The following USP9X variants were observed in gnomAD, a reference collection of about 807,000 sequenced individuals.
The protein encoded by USP9X is ubiquitin carboxyl-terminal hydrolase 9X.
Under a neutral mutation model 190.3 loss-of-function variants are expected in USP9X, and 7 were observed. The ratio of observed to expected loss-of-function variants is 0.04; its 90% confidence interval spans 0.02 to 0.07. The LOEUF (loss-of-function observed/expected upper bound fraction) is 0.07. Ranked by LOEUF, USP9X falls within the 10% of genes least tolerant of loss-of-function variation. The pLI is 1.00. For synonymous variants in USP9X, 645 were observed against 659.5 expected, an observed-to-expected ratio of 0.98 and a Z score of 0.34; for missense variants, 1,010 against 1,916.9, an observed-to-expected ratio of 0.53 and a Z score of 8.83.
chrX:41,089,324 A>C (rs772711544), intron 1 of USP9X, among the ~76,000 whole-genome samples: 1 of 111,937 alleles, frequency 8.9e-6, no homozygotes, highest in Non-Finnish European at 1.9e-5. Context: ...GTGAAATGAC[A>C]CTGATTGCTA....
chrX:41,199,394 C>T (rs1055324901), intron 30 of USP9X, among the ~76,000 whole-genome samples: 5 of 110,918 alleles, frequency 4.5e-5, no homozygotes, highest in African/African-American at 1.3e-4. Flanking sequence ...AGAGTATAGA[C>T]GTAAAACTTT....
At chrX:41,205,633 G>GTTTTT in intron 32 of USP9X, 140 bp downstream of exon 32, 1 of 343,174 alleles carries the variant, frequency 2.9e-6, no homozygotes, top group South Asian at 1.2e-4. Context: ...AATTGGGTGG[G>GTTTTT]TTTTTTTTTT....
At chrX:41,196,149 CT>C in intron 26 of USP9X, 101 bp from the exon 27 acceptor site, 6 of 965,245 alleles carry the variant, frequency 6.2e-6, no homozygotes, top group Non-Finnish European at 8.7e-6. Context: ...ATTTATTTCC[CT>C]TTTATACTCC....
At position 41,216,539 on chromosome X, in the gene USP9X, T is replaced by C; in HGVS notation, c.5972T>C (p.Val1991Ala). 1 of 1,211,491 alleles carries C rather than the reference T, an allele frequency of 8.3e-7. No individual in the cohort carries two copies. The highest frequency in any genetic ancestry group is 1.1e-6 in the Non-Finnish European group (1 of 895,499). The change falls in exon 35 of 45, where the codon GTA becomes GCA. Residue 1991 changes from valine to alanine, a missense_variant. Physicochemically the swap from Val to Ala is moderately conservative, Grantham distance 64 (BLOSUM62 0). This residue lies in a region of USP9X where 121 missense variants were observed against 281.2 expected (regional missense o/e 0.43). Transcript: ENST00000378308. ...IIMPSAIERS[V>A]RKQNVQFMHN... is the part of the protein sequence containing the mutation. Reference sequence around the variant, plus strand: ...ATGCCATCAGCCATTGAGAGAAGTGTACGGAAACAGAACGTACAATTCATG... The same window carrying C: ...ATGCCATCAGCCATTGAGAGAAGTGCACGGAAACAGAACGTACAATTCATG...
intron 1 of USP9X, among the ~76,000 whole-genome samples, chrX:41,103,151 AC>A (rs2062046614): frequency 8.9e-6 from 1 of 112,414 alleles, no homozygotes; most frequent in Non-Finnish European, 1.9e-5. Flanking sequence ...AGTTAGGCAT[AC>A]CCGCATTCTG....
At chrX:41,142,603 T>A (rs907097108) in intron 9 of USP9X, among the ~76,000 whole-genome samples, 1 of 112,374 alleles carries the variant, frequency 8.9e-6, no homozygotes, top group African/African-American at 3.2e-5. Context: ...GCCTAACTAC[T>A]TTTTATTCTC....
intron 33 of USP9X, among the ~76,000 whole-genome samples, chrX:41,211,727 C>T (rs1249206437): frequency 4.0e-5 from 4 of 99,109 alleles, no homozygotes; most frequent in Admixed American, 1.1e-4. Flanking sequence ...GTCAGCCCCC[C>T]GCCCAGCCAG....
At position 41,232,219 on chromosome X, in the gene USP9X, T is replaced by TTTTTTGTTTTTG. The variant is rs56699343; in HGVS notation, c.7528-151_7528-140dup. Among the ~76,000 whole-genome samples, 256 of 103,075 alleles carry TTTTTTGTTTTTG rather than the reference T, an allele frequency of 2.5e-3. 1 individual carries two copies. The highest frequency in any genetic ancestry group is 7.5e-3 in the African/African-American group (210 of 28,118). The allele number at this position is 103,075 out of a possible 115,157, so 89.5% of individuals were successfully genotyped here. A position where few individuals can be genotyped will look rare whatever the true frequency, so the allele number is the denominator to read the frequency against. ...CATTTACACTACGTTTTTCAAGCCTTTTTTTGTTTTTGTTTTTGTTTTTGT... is the reference window on the plus strand; with the variant it reads ...CATTTACACTACGTTTTTCAAGCCTTTTTTTGTTTTTGTTTTTGTTTTTGTTTTTGTTTTTGT... On this transcript the variant is annotated intron_variant, in intron 44 of 44. Transcript: ENST00000378308.
At chrX:41,148,100 C>T (rs2062487177) in intron 11 of USP9X, among the ~76,000 whole-genome samples, 1 of 111,502 alleles carries the variant, frequency 9.0e-6, no homozygotes, top group Non-Finnish European at 1.9e-5. Flanking sequence ...TATTACAATA[C>T]CATTTTAGAG....
intron 1 of USP9X, among the ~76,000 whole-genome samples, chrX:41,107,795 T>G (rs2062081306): frequency 1.8e-5 from 2 of 112,276 alleles, no homozygotes; most frequent in Admixed American, 1.9e-4. Context: ...GCTGAATTTT[T>G]CGTTTCAGTT....
chrX:41,125,684 A>ACACACACACACACACACACACTCT, intron 2 of USP9X, among the ~76,000 whole-genome samples: 3 of 19,023 alleles, frequency 1.6e-4, no homozygotes, highest in African/African-American at 2.2e-4. Flanking sequence ...ACACACACAC[A>ACACACACACACACACACACACTCT]CTCTCTCTCT....
At chrX:41,204,800 A>G (rs2063075885) in intron 31 of USP9X, among the ~76,000 whole-genome samples, 1 of 111,985 alleles carries the variant, frequency 8.9e-6, no homozygotes, top group African/African-American at 3.2e-5. Flanking sequence ...GTACACTATG[A>G]TGTTCACATG....
chrX:41,230,743 G>T (rs2063353336), intron 44 of USP9X, 147 bp downstream of exon 44: 7 of 480,703 alleles, frequency 1.5e-5, no homozygotes, highest in Non-Finnish European at 2.4e-5. Context: ...GAAGAGGGAT[G>T]GTTTGGAGTG....
At chrX:41,198,196 TTTTTGTACA>T (rs2063005627) in intron 29 of USP9X, among the ~76,000 whole-genome samples, 1 of 112,165 alleles carries the variant, frequency 8.9e-6, no homozygotes, top group African/African-American at 3.2e-5. Context: ...CAAAGTTTCA[TTTTTGTACA>T]TTTTATTTCT....
chrX:41,145,616 TTAATG>T (rs1257380905), intron 11 of USP9X, among the ~76,000 whole-genome samples: 1 of 112,122 alleles, frequency 8.9e-6, no homozygotes, highest in Non-Finnish European at 1.9e-5. Flanking sequence ...CTTGATTACA[TTAATG>T]TAAAGTTCCG....
intron 38 of USP9X, among the ~76,000 whole-genome samples, chrX:41,219,924 G>A (rs2147254386): frequency 8.9e-6 from 1 of 112,040 alleles, no homozygotes; most frequent in South Asian, 3.7e-4. Context: ...GGTTGAGGCT[G>A]CAGTGACCCG....
chrX:41,220,266 C>A (rs1166935869), intron 38 of USP9X, among the ~76,000 whole-genome samples: 1 of 112,051 alleles, frequency 8.9e-6, no homozygotes, highest in African/African-American at 3.2e-5. Context: ...CTTAAAAATG[C>A]CAAATTTAGA....
intron 1 of USP9X, among the ~76,000 whole-genome samples, chrX:41,110,077 C>T (rs746114697): frequency 9.0e-6 from 1 of 110,989 alleles, no homozygotes; most frequent in Non-Finnish European, 1.9e-5. Flanking sequence ...TCAGCCACTC[C>T]TGCCTGTTTG....
At chrX:41,178,084 C>CTTTTTTTT (rs758055868) in intron 21 of USP9X, among the ~76,000 whole-genome samples, 1 of 34,294 alleles carries the variant, frequency 2.9e-5, no homozygotes, top group Non-Finnish European at 4.9e-5. Flanking sequence ...AGGTTTAAAT[C>CTTTTTTTT]TTTTTTTTTT....
Sources: gnomAD v4.1 joint callset for allele counts (sites outside exome capture counted in the v4.1 genomes callset) on GRCh38, gnomAD v4.1.1 for gene constraint, gnomAD v4.1.1 regional missense constraint, MANE v1.5 for transcripts, NCBI Gene and HGNC (gene_info 2026-07-23, HGNC 2026-07-21) for gene names.